The following ZSWIM6 variants were observed in gnomAD, a reference collection of about 807,000 sequenced individuals.
ZSWIM6 encodes the protein zinc finger SWIM-type containing 6, also known as zinc finger SWIM domain-containing protein 6.
ZSWIM6 carries 9 observed loss-of-function variants against 113.2 expected under a neutral mutation model. The observed-to-expected ratio is 0.08, with a 90% CI of 0.05 to 0.14. ZSWIM6 has a LOEUF of 0.14. ZSWIM6 is among the 10% of genes least tolerant of loss of function. ZSWIM6 has a pLI of 1.00. For synonymous variants in ZSWIM6, 611 were observed against 606.5 expected, an observed-to-expected ratio of 1.01 and a Z score of -0.11; for missense variants, 1,162 against 1,552.2, an observed-to-expected ratio of 0.75 and a Z score of 4.22.
chr5:61,456,888 TTC>T (rs1279432631), intron 1 of ZSWIM6, among the ~76,000 whole-genome samples: 5 of 126,816 alleles, frequency 3.9e-5, no homozygotes, highest in African/African-American at 6.1e-5. Flanking sequence ...CTTATCCAAT[TTC>T]TTTTTTTTTT....
At chr5:61,342,133 G>C (rs1010710696) in intron 1 of ZSWIM6, among the ~76,000 whole-genome samples, 1 of 152,008 alleles carries the variant, frequency 6.6e-6, no homozygotes, top group Admixed American at 6.6e-5. Flanking sequence ...ACCCACCTCG[G>C]CCTCCTAAAA....
chr5:61,469,553 A>G (rs532306335), intron 1 of ZSWIM6, among the ~76,000 whole-genome samples: 1 of 152,352 alleles, frequency 6.6e-6, no homozygotes, highest in African/African-American at 2.4e-5. Flanking sequence ...ACAAAACTGT[A>G]TAATATGTGG....
intron 1 of ZSWIM6, among the ~76,000 whole-genome samples, chr5:61,436,232 T>C (rs1471076934): frequency 3.9e-5 from 6 of 152,036 alleles, no homozygotes; most frequent in Admixed American, 3.3e-4. Flanking sequence ...AGTCACTAAT[T>C]ATCACTAAAT....
At chr5:61,475,421 G>A (rs1747684802) in intron 2 of ZSWIM6, among the ~76,000 whole-genome samples, 1 of 152,174 alleles carries the variant, frequency 6.6e-6, no homozygotes, top group Admixed American at 6.5e-5. Flanking sequence ...AAGGTTGGAT[G>A]AGAGAATGTG....
chr5:61,333,266 C>G (rs1744307027), intron 1 of ZSWIM6, among the ~76,000 whole-genome samples: 3 of 151,836 alleles, frequency 2.0e-5, no homozygotes, highest in African/African-American at 7.3e-5. Flanking sequence ...GGCTGTTCGC[C>G]GGTTTCGGGG....
At chr5:61,422,205 AGATTTAAGT>A (rs1483963626) in intron 1 of ZSWIM6, among the ~76,000 whole-genome samples, 1 of 152,162 alleles carries the variant, frequency 6.6e-6, no homozygotes, top group Non-Finnish European at 1.5e-5. Context: ...TCGAGGTCTT[AGATTTAAGT>A]GTTTAATCCA....
intron 1 of ZSWIM6, chr5:61,375,402 A>G: frequency 6.5e-7 from 1 of 1,542,304 alleles, no homozygotes; most frequent in South Asian, 1.2e-5. Context: ...AGAAAAAAGA[A>G]AAGAAGAAAT....
intron 1 of ZSWIM6, among the ~76,000 whole-genome samples, chr5:61,396,025 T>C (rs1308731313): frequency 6.6e-6 from 1 of 152,280 alleles, no homozygotes; most frequent in East Asian, 1.9e-4. Flanking sequence ...AGTCTACAGA[T>C]AAACCGAGAT....
At chr5:61,489,271 T>G (rs1748115581) in intron 2 of ZSWIM6, among the ~76,000 whole-genome samples, 1 of 152,026 alleles carries the variant, frequency 6.6e-6, no homozygotes, top group South Asian at 2.1e-4. Flanking sequence ...CAAGGTATGC[T>G]TACCCTAGCA....
In ZSWIM6 at chr5:61,544,099, G is replaced by A. The variant is rs2112298248; in HGVS notation, c.3430G>A (p.Ala1144Thr). Residue 1144 changes from alanine (A) to threonine (T), a missense_variant, in exon 14 of 14, where the codon GCC becomes ACC. Around this residue, in one of 4 missense-constraint regions of ZSWIM6, gnomAD observed 113 missense variants for 213.8 expected, o/e 0.53. Coordinates refer to ENST00000252744, the MANE Select transcript of ZSWIM6 (RefSeq NM_020928.2). ...DKAPLRQLLDATIGAYINTTH... is the reference protein window; with the variant it reads ...DKAPLRQLLDTTIGAYINTTH... ...AGCCCCCTTGAGGCAACTCTTGGAT[G>A]CCACGATCGGGGCCTACATCAACAC... is the stretch of plus-strand genomic sequence containing the variant. 2 of 1,551,922 alleles carry A rather than the reference G, an allele frequency of 1.3e-6. No individual in the cohort carries two copies. Among genetic ancestry groups the A allele is most frequent in the Middle Eastern group, 1.7e-4 (1 of 5,992 alleles).
At chr5:61,503,928 A>G (rs915267093) in intron 4 of ZSWIM6, among the ~76,000 whole-genome samples, 2 of 152,138 alleles carry the variant, frequency 1.3e-5, no homozygotes, top group African/African-American at 2.4e-5. Flanking sequence ...ATTAATGTCT[A>G]TTTGATAATC....
chr5:61,480,329 C>T (rs982191245), intron 2 of ZSWIM6, among the ~76,000 whole-genome samples: 1 of 152,162 alleles, frequency 6.6e-6, no homozygotes, highest in Non-Finnish European at 1.5e-5. Context: ...CCTGACAGGT[C>T]TATTTGAGTT....
chr5:61,353,060 C>G (rs938343468), intron 1 of ZSWIM6, among the ~76,000 whole-genome samples: 1 of 151,980 alleles, frequency 6.6e-6, no homozygotes, highest in Admixed American at 6.6e-5. Context: ...TATGCTTGAG[C>G]TTTTTTTCAG....
intron 1 of ZSWIM6, among the ~76,000 whole-genome samples, chr5:61,423,790 A>G (rs1211564719): frequency 6.6e-6 from 1 of 152,178 alleles, no homozygotes; most frequent in Non-Finnish European, 1.5e-5. Flanking sequence ...AGCCAAAAAG[A>G]CTTCTTCATA....
chr5:61,333,340 G>C (rs968092881), intron 1 of ZSWIM6, among the ~76,000 whole-genome samples: 1 of 151,740 alleles, frequency 6.6e-6, no homozygotes, highest in Non-Finnish European at 1.5e-5. Flanking sequence ...TGGCGGGGCT[G>C]TGCGGGGCGG....
intron 1 of ZSWIM6, among the ~76,000 whole-genome samples, chr5:61,447,758 C>T (rs534137836): frequency 4.6e-4 from 70 of 152,270 alleles, no homozygotes; most frequent in African/African-American, 1.6e-3. Flanking sequence ...AGTAGCTGCA[C>T]AGAAAGCCAA....
chr5:61,343,885 C>CT (rs34203086), intron 1 of ZSWIM6, among the ~76,000 whole-genome samples: 20,914 of 137,970 alleles, frequency 0.15, 1,589 homozygotes, highest in African/African-American at 0.19. Context: ...GCACTTTGGA[C>CT]TTTTTTTTTT....
chr5:61,363,020 C>T (rs1745063631), intron 1 of ZSWIM6, among the ~76,000 whole-genome samples: 1 of 152,220 alleles, frequency 6.6e-6, no homozygotes, highest in South Asian at 2.1e-4. Context: ...CAGCATTGGC[C>T]TATGACCTCT....
At chr5:61,531,273 A>T (rs115167604) in intron 8 of ZSWIM6, among the ~76,000 whole-genome samples, 192 bp from the exon 9 acceptor site, 1 of 152,350 alleles carries the variant, frequency 6.6e-6, no homozygotes, top group African/African-American at 2.4e-5. Context: ...AAACGTAAAC[A>T]TTTAATCATT....
Sources: gnomAD v4.1 joint callset for allele counts (sites outside exome capture counted in the v4.1 genomes callset) on GRCh38, gnomAD v4.1.1 for gene constraint, gnomAD v4.1.1 regional missense constraint, MANE v1.5 for transcripts, NCBI Gene and HGNC (gene_info 2026-07-23, HGNC 2026-07-21) for gene names.